AGMO: variants seen among roughly 807,000 people sequenced by gnomAD.
AGMO encodes the protein alkylglycerol monooxygenase.
A neutral mutation model predicts 60.2 loss-of-function variants in AGMO; 75 were observed. The observed-to-expected ratio is 1.25, with a 90% CI of 1.03 to 1.51. The LOEUF (loss-of-function observed/expected upper bound fraction) is 1.51. Ranked by LOEUF, AGMO falls within the 40% of genes most tolerant of loss-of-function variation. AGMO has a pLI of 0.00. For missense variants in AGMO, 763 were observed against 525.5 expected (o/e 1.45, Z -4.42); for synonymous variants, 261 against 177.1 (o/e 1.47, Z -3.76).
intron 10 of AGMO, among the ~76,000 whole-genome samples, chr7:15,374,808 CAAG>C (rs1373597128): frequency 6.6e-6 from 1 of 151,950 alleles, no homozygotes; most frequent in Non-Finnish European, 1.5e-5. Context: ...TGAGAGAAAC[CAAG>C]AAGGCTAGCA....
the AGMO span, among the ~76,000 whole-genome samples, chr7:15,177,272 G>T: frequency 2.0e-5 from 3 of 152,064 alleles, no homozygotes; most frequent in Admixed American, 6.6e-5. Flanking sequence ...GTAATGAAAA[G>T]AATGAAAAAG....
intron 12 of AGMO, among the ~76,000 whole-genome samples, chr7:15,208,580 C>A (rs375772730): frequency 2.6e-5 from 4 of 152,168 alleles, no homozygotes; most frequent in African/African-American, 9.7e-5. Flanking sequence ...TGACTCTCTG[C>A]TGAGATTTTT....
chr7:15,306,204 T>A (rs1246214606), intron 12 of AGMO: 1 of 217,396 alleles, frequency 4.6e-6, no homozygotes, highest in African/African-American at 2.4e-5. Flanking sequence ...AACTTTGACA[T>A]GCACTGACAT....
intron 12 of AGMO, among the ~76,000 whole-genome samples, chr7:15,217,898 T>TA (rs1161440062): frequency 1.3e-5 from 2 of 152,076 alleles, no homozygotes; most frequent in Admixed American, 1.3e-4. Context: ...ATTATTTATT[T>TA]ATTTAACTTT....
chr7:15,368,161 G>A (rs905096529), intron 10 of AGMO, among the ~76,000 whole-genome samples: 2 of 151,714 alleles, frequency 1.3e-5, no homozygotes, highest in African/African-American at 4.8e-5. Context: ...ACAATGATAG[G>A]TATTAGATAC....
At chr7:15,259,601 A>T (rs1170099426) in intron 12 of AGMO, among the ~76,000 whole-genome samples, 2 of 152,152 alleles carry the variant, frequency 1.3e-5, no homozygotes, top group African/African-American at 4.8e-5. Context: ...CTAGGCACAT[A>T]GTCATCAGGT....
chr7:15,321,427 C>T (rs180705737), intron 12 of AGMO, among the ~76,000 whole-genome samples: 50 of 152,038 alleles, frequency 3.3e-4, no homozygotes, highest in African/African-American at 1.1e-3. Flanking sequence ...CTGTTGGTGG[C>T]GAAAGTTTGT....
chr7:15,384,798 A>G (rs1373927824), intron 10 of AGMO, among the ~76,000 whole-genome samples: 3 of 147,130 alleles, frequency 2.0e-5, no homozygotes, highest in African/African-American at 7.6e-5. Context: ...ATAAATCTAT[A>G]AAAAATACCT....
chr7:15,471,606 G>A (rs1562523948), intron 3 of AGMO, among the ~76,000 whole-genome samples: 2 of 151,862 alleles, frequency 1.3e-5, no homozygotes, highest in Admixed American at 6.6e-5. Context: ...CATTGTTTTA[G>A]AAACAATGTT....
intron 5 of AGMO, among the ~76,000 whole-genome samples, chr7:15,410,603 C>T (rs1234096749): frequency 6.6e-6 from 1 of 151,568 alleles, no homozygotes; most frequent in East Asian, 1.9e-4. Flanking sequence ...ATCATGATGC[C>T]TAAGAGTGGT....
intron 3 of AGMO, among the ~76,000 whole-genome samples, chr7:15,512,991 G>C (rs190244576): frequency 7.9e-5 from 12 of 152,076 alleles, no homozygotes; most frequent in Admixed American, 7.9e-4. Flanking sequence ...TTGCAAATTT[G>C]CATGTCACTT....
intron 12 of AGMO, among the ~76,000 whole-genome samples, chr7:15,354,468 GTATACACACGTGTGTATA>G (rs1782426522): frequency 7.8e-5 from 1 of 12,868 alleles, no homozygotes; most frequent in African/African-American, 3.9e-4. Context: ...ACACGTGTGT[GTATACACACGTGTGTATA>G]TACACACGTG....
intron 12 of AGMO, among the ~76,000 whole-genome samples, chr7:15,236,990 A>G (rs1782443204): frequency 1.3e-5 from 2 of 152,208 alleles, no homozygotes; most frequent in Non-Finnish European, 1.5e-5. Flanking sequence ...TCAAACAAAC[A>G]TAAAAAATGT....
chr7:15,321,532 C>T (rs1781108668), intron 12 of AGMO, among the ~76,000 whole-genome samples: 1 of 151,788 alleles, frequency 6.6e-6, no homozygotes, highest in Non-Finnish European at 1.5e-5. Context: ...GGGAGTAGAG[C>T]CAGAAGGAAA....
At chr7:15,252,814 A>G (rs527670512) in intron 12 of AGMO, among the ~76,000 whole-genome samples, 12 of 152,370 alleles carry the variant, frequency 7.9e-5, no homozygotes, top group Non-Finnish European at 1.5e-4. Flanking sequence ...AAGAAAAGAA[A>G]GAATCAGTAA....
At chr7:15,206,168 T>C (rs1035128789) in intron 12 of AGMO, among the ~76,000 whole-genome samples, 1 of 152,030 alleles carries the variant, frequency 6.6e-6, no homozygotes, top group South Asian at 2.1e-4. Context: ...ATAAGCACAA[T>C]GGAACTAGAA....
intron 12 of AGMO, among the ~76,000 whole-genome samples, chr7:15,222,287 G>C (rs1025288240): frequency 1.3e-5 from 2 of 151,920 alleles, no homozygotes; most frequent in East Asian, 3.9e-4. Context: ...TAATTAATTA[G>C]TTCACAGATA....
At chr7:15,529,738 C>A (rs1281852501) in intron 3 of AGMO, among the ~76,000 whole-genome samples, 2 of 100,724 alleles carry the variant, frequency 2.0e-5, no homozygotes, top group Non-Finnish European at 1.9e-5. Flanking sequence ...TATATATATT[C>A]TATATATATA....
chr7:15,385,581 T>C lies in AGMO; in HGVS notation c.958-19A>G. 4 of 1,407,010 alleles carry C rather than the reference T, an allele frequency of 2.8e-6. No homozygotes were observed. The highest frequency in any genetic ancestry group is 4.0e-6 in the Non-Finnish European group (4 of 993,052). The allele number at this position is 1,407,010 out of a possible 1,614,324, so 87.2% of individuals were successfully genotyped here. A position where few individuals can be genotyped will look rare whatever the true frequency, so the allele number is the denominator to read the frequency against. ...CGGTGACCTAGGGAGACAAGAACCA[T>C]TTCCTTTATATTGCTCCAGACTCAT... is the stretch of plus-strand genomic sequence containing the variant. On this transcript the variant is annotated intron_variant, in intron 9 of 12. Coordinates refer to ENST00000342526, the MANE Select transcript of AGMO (RefSeq NM_001004320.2).
Sources: allele counts gnomAD v4.1 joint callset (sites outside exome capture counted in the v4.1 genomes callset), GRCh38; gene constraint gnomAD v4.1.1; transcripts MANE v1.5; gene names NCBI Gene and HGNC (gene_info 2026-07-23, HGNC 2026-07-21).